The following AFAP1L1 variants were observed in gnomAD, a reference collection of about 807,000 sequenced individuals.
AFAP1L1 encodes actin filament associated protein 1 like 1.
AFAP1L1 carries 77 observed loss-of-function variants against 99.8 expected under a neutral mutation model. The ratio of observed to expected loss-of-function variants is 0.77; its 90% CI spans 0.64 to 0.93. The LOEUF (loss-of-function observed/expected upper bound fraction) is 0.93, where lower values mean the gene tolerates loss of function less well. Ranked by LOEUF, AFAP1L1 falls within the 40% of genes least tolerant of loss-of-function variation. The pLI, the probability that AFAP1L1 is intolerant of heterozygous loss-of-function variation, is 0.00. For missense variants in AFAP1L1, 893 were observed against 996.8 expected, an observed-to-expected ratio of 0.90 and a Z score of 1.40; for synonymous variants, 373 against 395.3, an observed-to-expected ratio of 0.94 and a Z score of 0.67.
At chr5:149,324,965 C>A (rs190421013) in intron 15 of AFAP1L1, among the ~76,000 whole-genome samples, 1 of 152,160 alleles carries the variant, frequency 6.6e-6, no homozygotes, top group Non-Finnish European at 1.5e-5. Flanking sequence ...AATGGTTACA[C>A]AGGTCAGCAC....
chr5:149,311,610 C>A (rs1355212973), intron 8 of AFAP1L1, among the ~76,000 whole-genome samples: 1 of 152,190 alleles, frequency 6.6e-6, no homozygotes, highest in Non-Finnish European at 1.5e-5. Flanking sequence ...TGCTGTGTGG[C>A]CTTGGCAAGT....
At chr5:149,281,916 G>A (rs1295276148) in intron 1 of AFAP1L1, among the ~76,000 whole-genome samples, 4 of 152,106 alleles carry the variant, frequency 2.6e-5, no homozygotes, top group South Asian at 2.1e-4. Flanking sequence ...GGGTATAGCC[G>A]GGCAGCCTGC....
At chr5:149,288,561 G>A (rs886101465) in intron 1 of AFAP1L1, among the ~76,000 whole-genome samples, 35 of 152,160 alleles carry the variant, frequency 2.3e-4, no homozygotes, top group Non-Finnish European at 3.7e-4. Context: ...CGCTGGATGC[G>A]GAAACAGCTG....
chr5:149,321,211 C>A (rs1343614072), intron 14 of AFAP1L1, among the ~76,000 whole-genome samples: 1 of 152,142 alleles, frequency 6.6e-6, no homozygotes, highest in Non-Finnish European at 1.5e-5. Flanking sequence ...TCCAGTCATC[C>A]TTCTGTTCAT....
chr5:149,327,751 A>G (rs1188450693), intron 15 of AFAP1L1, among the ~76,000 whole-genome samples: 1 of 152,138 alleles, frequency 6.6e-6, no homozygotes, highest in Non-Finnish European at 1.5e-5. Context: ...GAACAAAGAG[A>G]AAAAAAGAAT....
chr5:149,280,484 T>C (rs1457103040), intron 1 of AFAP1L1, among the ~76,000 whole-genome samples: 13 of 151,404 alleles, frequency 8.6e-5, no homozygotes, highest in African/African-American at 2.9e-4. Context: ...TTTTTTTTTT[T>C]CCTGGCACAT....
At chr5:149,318,357 G>A (rs1756857783) in intron 12 of AFAP1L1, among the ~76,000 whole-genome samples, 1 of 152,102 alleles carries the variant, frequency 6.6e-6, no homozygotes, top group Non-Finnish European at 1.5e-5. Flanking sequence ...ATTTAGTCTG[G>A]TCTAACCATT....
chr5:149,343,500 CA>C lies in AFAP1L1; in HGVS notation c.*3473del, dbSNP rs1322554387. The stretch of plus-strand genomic sequence containing the variant: ...TATCCAACTTAATTAAGTCATTCAA[CA>C]AATACTTGAGTACCTACTATACTAG... On this transcript the variant is annotated 3_prime_UTR_variant, in exon 19 of 19. Coordinates refer to ENST00000296721, the MANE Select transcript of AFAP1L1 (RefSeq NM_152406.4). Among the ~76,000 whole-genome samples the C allele has an allele frequency of 7.2e-5, 11 of 152,100 alleles. No individual in the cohort carries two copies. The highest frequency in any genetic ancestry group is 1.3e-4 in the Non-Finnish European group (9 of 68,028).
At chr5:149,280,700 T>C (rs1233636301) in intron 1 of AFAP1L1, among the ~76,000 whole-genome samples, 1 of 152,190 alleles carries the variant, frequency 6.6e-6, no homozygotes, top group East Asian at 1.9e-4. Flanking sequence ...TAAAAAGCCA[T>C]GCAAATTTTT....
chr5:149,277,233 T>A (rs1234086480), intron 1 of AFAP1L1, among the ~76,000 whole-genome samples: 1 of 152,232 alleles, frequency 6.6e-6, no homozygotes, highest in Admixed American at 6.5e-5. Context: ...AGGAATTTCT[T>A]TTGCTGCGTT....
Position 149,274,930 on chromosome 5 carries a change from C to G in AFAP1L1, c.16+2946C>G, listed in dbSNP as rs1266591057. Reference sequence around the variant, plus strand: ...ATTCCAGCAGACCTTTCTTGTACCCCTGTTCCCAGGCAGGTGTGCACTCTC... The same window carrying G: ...ATTCCAGCAGACCTTTCTTGTACCCGTGTTCCCAGGCAGGTGTGCACTCTC... On this transcript the variant is annotated intron_variant, in intron 1 of 18. Coordinates refer to ENST00000296721, the MANE Select transcript of AFAP1L1 (RefSeq NM_152406.4). 2.6e-5 allele frequency among the ~76,000 whole-genome samples: 4 copies of G among 152,198 alleles called. No homozygotes were observed. In the East Asian group the frequency reaches 7.7e-4, roughly 29 times the overall value.
At position 149,320,307 on chromosome 5, in the gene AFAP1L1, T is replaced by C. The variant is rs1756914821; in HGVS notation, c.1626-84T>C. On this transcript the variant is annotated intron_variant, in intron 13 of 18. Coordinates refer to ENST00000296721, the MANE Select transcript of AFAP1L1 (RefSeq NM_152406.4). This position sits in a 1 kb window ranked among gnomAD's most constrained non-coding sequence, Gnocchi z 4.0. ...TCTGCCTTAAGAGTTTCTGCCAGAA[T>C]CAATGAGAGTGAGGACACGAAAGCA... 7.5e-7 allele frequency: 1 copy of C among 1,337,994 alleles called. No homozygotes were observed. The highest frequency in any genetic ancestry group is 1.1e-6 in the Non-Finnish European group (1 of 937,138). The allele number at this position is 1,337,994 out of a possible 1,614,324, so 82.9% of individuals were successfully genotyped here.
At chr5:149,325,555 G>A (rs1335424283) in intron 15 of AFAP1L1, among the ~76,000 whole-genome samples, 1 of 152,210 alleles carries the variant, frequency 6.6e-6, no homozygotes, top group Non-Finnish European at 1.5e-5. Context: ...CACTTGTAAG[G>A]CAGAGGTTCC....
At chr5:149,297,257 G>A (rs1429539863) in intron 1 of AFAP1L1, among the ~76,000 whole-genome samples, 3 of 152,248 alleles carry the variant, frequency 2.0e-5, no homozygotes, top group Admixed American at 6.5e-5. Flanking sequence ...ATATGGCAGG[G>A]CCCAGGCCCT....
rs368343566 is a variant in AFAP1L1, at chr5:149,299,491, G to C, written c.17-18G>C. 18 of 1,613,466 alleles carry C rather than the reference G, an allele frequency of 1.1e-5. No individual in the cohort carries two copies. The African/African-American group carries it at 1.3e-4, about 12-fold the overall frequency. Reference sequence around the variant, plus strand: ...TGACTGTGCAGCTGTGACTGTGCCCGTCTGCCTTCCTCCGCAGTGCTGGAG... The same window carrying C: ...TGACTGTGCAGCTGTGACTGTGCCCCTCTGCCTTCCTCCGCAGTGCTGGAG... On this transcript the variant is annotated intron_variant, in intron 1 of 18. Coordinates refer to ENST00000296721, the MANE Select transcript of AFAP1L1 (RefSeq NM_152406.4).
chr5:149,316,620 G>A (rs771925694), intron 11 of AFAP1L1, among the ~76,000 whole-genome samples: 1 of 152,108 alleles, frequency 6.6e-6, no homozygotes, highest in Non-Finnish European at 1.5e-5. Flanking sequence ...CAAGACAGGG[G>A]TATCTTATTT....
Position 149,302,539 on chromosome 5 carries a change from C to G in AFAP1L1, c.436+13C>G. 1 of 1,563,272 alleles carries G rather than the reference C, an allele frequency of 6.4e-7. No individual in the cohort carries two copies. Among genetic ancestry groups the G allele is most frequent in the Non-Finnish European group, 8.7e-7 (1 of 1,152,508 alleles). ...ATCAGCTCCCACAGTAAGTTCTGGT[C>G]CTCTTGGTGGGGCTGGGGACTTCCT... On this transcript the variant is annotated intron_variant, in intron 5 of 18. Transcript: ENST00000296721.
chr5:149,295,682 A>G lies in AFAP1L1; in HGVS notation c.17-3827A>G, dbSNP rs1468378450. 3.9e-5 allele frequency among the ~76,000 whole-genome samples: 6 copies of G among 152,214 alleles called. No individual in the cohort carries two copies. In the East Asian group the frequency reaches 9.6e-4, roughly 24 times the overall value. ...AGGGAGGAACAGATTTAAAAATCCCAAAAAGTTTTGCAATCCTTAGTCGTT... is the reference window on the plus strand; with the variant it reads ...AGGGAGGAACAGATTTAAAAATCCCGAAAAGTTTTGCAATCCTTAGTCGTT... On this transcript the variant is annotated intron_variant, in intron 1 of 18. Coordinates refer to ENST00000296721, the MANE Select transcript of AFAP1L1 (RefSeq NM_152406.4).
intron 1 of AFAP1L1, among the ~76,000 whole-genome samples, chr5:149,282,152 G>A (rs1366171814): frequency 6.6e-6 from 1 of 152,188 alleles, no homozygotes; most frequent in Non-Finnish European, 1.5e-5. Flanking sequence ...TCTTCTCCCT[G>A]GCACAGCTGT....
Sources: allele counts gnomAD v4.1 joint callset (sites outside exome capture counted in the v4.1 genomes callset), GRCh38; gene constraint gnomAD v4.1.1; non-coding constraint Gnocchi (gnomAD v3.1); transcripts MANE v1.5; gene names NCBI Gene and HGNC (gene_info 2026-07-23, HGNC 2026-07-21).